The following CNBD1 variants were observed in gnomAD, a reference collection of about 807,000 sequenced individuals.
The protein encoded by CNBD1 is cyclic nucleotide binding domain containing 1.
CNBD1 carries 71 observed loss-of-function variants against 54.4 expected under a neutral mutation model. That is an observed-to-expected ratio of 1.30 (90% CI 1.08 to 1.59). The LOEUF is 1.59. Ranked by LOEUF, CNBD1 falls within the 40% of genes most tolerant of loss-of-function variation. The pLI is 0.00. For synonymous variants in CNBD1, 182 were observed against 170.7 expected, an observed-to-expected ratio of 1.07 and a Z score of -0.51; for missense variants, 659 against 518.0, an observed-to-expected ratio of 1.27 and a Z score of -2.64.
At chr8:87,151,825 A>C (rs1382369547) in intron 4 of CNBD1, among the ~76,000 whole-genome samples, 1 of 152,122 alleles carries the variant, frequency 6.6e-6, no homozygotes, top group Admixed American at 6.5e-5. Context: ...TTGGAAGGTT[A>C]TGGGTCATAT....
intron 8 of CNBD1, among the ~76,000 whole-genome samples, chr8:87,304,527 C>T (rs1053575473): frequency 6.6e-6 from 1 of 151,960 alleles, no homozygotes; most frequent in South Asian, 2.1e-4. Flanking sequence ...AGGAGATATA[C>T]CTAATGTTAA....
intron 4 of CNBD1, among the ~76,000 whole-genome samples, chr8:87,188,097 C>T (rs142746508): frequency 6.6e-6 from 1 of 152,244 alleles, no homozygotes; most frequent in African/African-American, 2.4e-5. Flanking sequence ...GATCTTTGTA[C>T]AAGGAATTTT....
At chr8:86,937,647 G>A (rs1586147753) in intron 3 of CNBD1, among the ~76,000 whole-genome samples, 1 of 152,094 alleles carries the variant, frequency 6.6e-6, no homozygotes, top group Non-Finnish European at 1.5e-5. Context: ...CCTCTACGTT[G>A]GCCCCTTTTG....
chr8:86,889,628 C>A (rs1199409916), intron 2 of CNBD1, among the ~76,000 whole-genome samples: 9 of 151,936 alleles, frequency 5.9e-5, no homozygotes, highest in Admixed American at 4.6e-4. Flanking sequence ...GGTATATTAT[C>A]CTGGGATTTT....
At chr8:87,377,146 GATT>G (rs1013821075) in intron 10 of CNBD1, among the ~76,000 whole-genome samples, 205 of 133,882 alleles carry the variant, frequency 1.5e-3, no homozygotes, top group African/African-American at 5.4e-3. Context: ...ATTTTTTTAT[GATT>G]ATTATTTATA....
At chr8:87,287,031 T>C (rs1808712492) in intron 8 of CNBD1, among the ~76,000 whole-genome samples, 1 of 152,180 alleles carries the variant, frequency 6.6e-6, no homozygotes, top group Admixed American at 6.6e-5. Context: ...CATTTTTTTC[T>C]TTTCCTTTTT....
intron 4 of CNBD1, among the ~76,000 whole-genome samples, chr8:87,169,485 C>G (rs953317292): frequency 6.6e-6 from 1 of 151,930 alleles, no homozygotes; most frequent in Non-Finnish European, 1.5e-5. Flanking sequence ...CTTCGCCCAC[C>G]CTAACCTCCT....
chr8:87,041,847 C>T (rs2130610696), intron 4 of CNBD1, among the ~76,000 whole-genome samples: 1 of 152,212 alleles, frequency 6.6e-6, no homozygotes, highest in Middle Eastern at 3.4e-3. Flanking sequence ...AGAGGGAATG[C>T]TCTGACCTAA....
At chr8:87,364,422 A>T (rs1431121948) in intron 10 of CNBD1, among the ~76,000 whole-genome samples, 1 of 151,836 alleles carries the variant, frequency 6.6e-6, no homozygotes, top group Non-Finnish European at 1.5e-5. Flanking sequence ...TTCTCTATCA[A>T]GTGTATTAAA....
intron 10 of CNBD1, among the ~76,000 whole-genome samples, chr8:87,365,997 C>A (rs1810634112): frequency 6.6e-6 from 1 of 151,970 alleles, no homozygotes. Flanking sequence ...TTTTTAGTTG[C>A]CAAATATTCT....
intron 6 of CNBD1, among the ~76,000 whole-genome samples, chr8:87,276,928 G>C (rs1178128946): frequency 6.6e-6 from 1 of 151,340 alleles, no homozygotes. Context: ...AGGCCTTGAG[G>C]GGCCAAGATA....
At chr8:87,425,109 G>C (rs369764056) in intron 2 of CNBD1, among the ~76,000 whole-genome samples, 11 of 151,746 alleles carry the variant, frequency 7.2e-5, no homozygotes, top group African/African-American at 2.4e-4. Flanking sequence ...CCAGTTGATC[G>C]CATCGGCTCC....
At chr8:87,140,252 T>G (rs909944693) in intron 4 of CNBD1, among the ~76,000 whole-genome samples, 3 of 152,110 alleles carry the variant, frequency 2.0e-5, no homozygotes, top group Non-Finnish European at 4.4e-5. Context: ...ACACACACCT[T>G]GTACAATATA....
At chr8:86,936,945 C>A (rs899127261) in intron 3 of CNBD1, among the ~76,000 whole-genome samples, 2 of 152,032 alleles carry the variant, frequency 1.3e-5, no homozygotes, top group South Asian at 4.1e-4. Context: ...TATATAAACT[C>A]TTTTAGTTAC....
chr8:86,926,648 A>G (rs1268912120), intron 3 of CNBD1, among the ~76,000 whole-genome samples: 1 of 151,902 alleles, frequency 6.6e-6, no homozygotes, highest in Admixed American at 6.6e-5. Flanking sequence ...TGGTTGGTGT[A>G]AAAACAACAC....
intron 8 of CNBD1, among the ~76,000 whole-genome samples, chr8:87,337,403 G>C (rs545326120): frequency 6.6e-6 from 1 of 152,312 alleles, no homozygotes; most frequent in East Asian, 1.9e-4. Context: ...TCTAGCTGGA[G>C]TTGGATTTCC....
intron 4 of CNBD1, among the ~76,000 whole-genome samples, chr8:87,113,995 A>C (rs1811720464): frequency 6.6e-6 from 1 of 152,188 alleles, no homozygotes; most frequent in Non-Finnish European, 1.5e-5. Context: ...TTAATGTCAT[A>C]ATAATGCTGT....
At chr8:87,074,838 A>G (rs928140866) in intron 4 of CNBD1, among the ~76,000 whole-genome samples, 1 of 152,094 alleles carries the variant, frequency 6.6e-6, no homozygotes, top group Non-Finnish European at 1.5e-5. Context: ...ATTCCTCTCC[A>G]TGAGTGCCAC....
At position 87,216,506 on chromosome 8, in the gene CNBD1, A is replaced by T. The variant is rs538511175; in HGVS notation, c.577+10368A>T. On this transcript the variant is annotated intron_variant, in intron 5 of 10. Coordinates refer to ENST00000518476, the MANE Select transcript of CNBD1 (RefSeq NM_173538.3). ...ATTCTGTCATATGAGAAAGAAATTT[A>T]TTTCTTATAGATTTTCTATAATCTC... Among the ~76,000 whole-genome samples the T allele has an allele frequency of 1.2e-4, 18 of 152,286 alleles. No homozygotes were observed. The South Asian group carries it at 2.1e-3, about 18-fold the overall frequency.
Sources: gnomAD v4.1 joint callset for allele counts (sites outside exome capture counted in the v4.1 genomes callset) on GRCh38, gnomAD v4.1.1 for gene constraint, MANE v1.5 for transcripts, NCBI Gene and HGNC (gene_info 2026-07-23, HGNC 2026-07-21) for gene names.